AGAP2: variants seen among roughly 807,000 people sequenced by gnomAD.
AGAP2 encodes the protein arf-GAP with GTPase, ANK repeat and PH domain-containing protein 2.
A neutral mutation model predicts 110.9 loss-of-function variants in AGAP2; 32 were observed. The ratio of observed to expected loss-of-function variants is 0.29; its 90% CI spans 0.22 to 0.39. The LOEUF is 0.39. AGAP2 is among the 10% of genes least tolerant of loss of function. The pLI is 1.00. For synonymous variants in AGAP2, 702 were observed against 713.0 expected (o/e 0.98, Z 0.25); for missense variants, 1,285 against 1,638.5 (o/e 0.78, Z 3.72).
Position 57,728,345 on chromosome 12 carries a change from C to T in AGAP2, c.2590G>A (p.Gly864Ser), listed in dbSNP as rs1954815003. 1 of 1,613,918 alleles carries T rather than the reference C, an allele frequency of 6.2e-7. No homozygotes were observed. Among genetic ancestry groups the T allele is most frequent in the Non-Finnish European group, 8.5e-7 (1 of 1,179,880 alleles). Residue 864 changes from glycine to serine, a missense_variant, in exon 14 of 19, where the codon GGT (glycine) becomes AGT (serine). By Grantham distance (56) the Gly-to-Ser change is moderately conservative. This residue lies in a region of AGAP2 where 135 missense variants were observed against 182.0 expected (regional missense o/e 0.74). Transcript: ENST00000547588. ...KRKMWKLKSF[G>S]SLRNIYKAEE... is the part of the protein sequence containing the mutation. ...GCTTTATAAATATTTCTTAAACTACCAAAGGATTTTAGTTTCCACATTTTG... is the reference window on the plus strand; with the variant it reads ...GCTTTATAAATATTTCTTAAACTACTAAAGGATTTTAGTTTCCACATTTTG...
chr12:57,735,776 A>C (rs1190858205), intron 1 of AGAP2, among the ~76,000 whole-genome samples: 1 of 152,108 alleles, frequency 6.6e-6, no homozygotes, highest in Non-Finnish European at 1.5e-5. Context: ...AAAAGAATAG[A>C]AGAGGAGCTC....
chr12:57,731,743 G>C, intron 8 of AGAP2, 66 bp downstream of exon 8: 5 of 1,574,218 alleles, frequency 3.2e-6, no homozygotes, highest in Admixed American at 1.8e-5. Flanking sequence ...GGAGTCTAGG[G>C]ACTAGGGAAG....
At chr12:57,730,124 A>AT (rs57705169) in intron 12 of AGAP2, among the ~76,000 whole-genome samples, 54,846 of 151,166 alleles carry the variant, frequency 0.36, 10,358 homozygotes, top group Middle Eastern at 0.57. Flanking sequence ...ATATATATAT[A>AT]TTTTTTTTCA....
chr12:57,728,413 G>T (rs577085767), intron 13 of AGAP2, 36 bp from the exon 14 acceptor site: 1 of 1,605,082 alleles, frequency 6.2e-7, no homozygotes, highest in African/African-American at 1.3e-5. Flanking sequence ...GAGATAGAAT[G>T]GAGAGCAGAA....
At chr12:57,729,010 C>A (rs1263472009) in intron 13 of AGAP2, among the ~76,000 whole-genome samples, 1 of 151,656 alleles carries the variant, frequency 6.6e-6, no homozygotes, top group African/African-American at 2.4e-5. Flanking sequence ...CCAGTCTCTA[C>A]TAAAAAATAC....
rs984339526 is a variant in AGAP2, at chr12:57,732,277, T to C, written c.1794+126A>G. ...AGTCCAATGCACTTTCTGCCAATAG[T>C]TTCACTGCCATTTCCATCTGTTTCC... On this transcript the variant is annotated intron_variant, in intron 7 of 18. Transcript: ENST00000547588. The C allele has an allele frequency of 9.4e-5, 89 of 947,784 alleles. No individual in the cohort carries two copies. In the African/African-American group the frequency reaches 1.1e-3, roughly 11 times the overall value. 58.7% of individuals were successfully genotyped at this position (947,784 alleles called of 1,614,324 possible).
chr12:57,734,992 T>TTG (rs542446151), intron 2 of AGAP2, among the ~76,000 whole-genome samples: 1 of 150,632 alleles, frequency 6.6e-6, no homozygotes, highest in East Asian at 1.9e-4. Context: ...ACTAGATATG[T>TTG]TGTGTGTGTG....
chr12:57,728,210 C>G (rs1175720077), intron 14 of AGAP2, 108 bp downstream of exon 14: 1 of 1,513,010 alleles, frequency 6.6e-7, no homozygotes, highest in Non-Finnish European at 9.0e-7. Context: ...GTAGGGAAAG[C>G]AGAGGGTGGG....
chr12:57,728,530 G>A (rs986633222), intron 13 of AGAP2, among the ~76,000 whole-genome samples, 153 bp from the exon 14 acceptor site: 14 of 152,228 alleles, frequency 9.2e-5, no homozygotes, highest in African/African-American at 1.7e-4. Context: ...CAGATGGGGA[G>A]AGAAAGCAGA....
At chr12:57,742,044 C>T (rs1955083083), upstream of AGAP2, 51 of 1,614,020 alleles carry the variant, frequency 3.2e-5, no homozygotes, top group East Asian at 1.1e-3. Context: ...CTCACTGCAG[C>T]TACAACGAAC....
At chr12:57,724,180 G>A (rs1197164126), downstream of AGAP2, 1 of 152,284 alleles carries the variant, frequency 6.6e-6, no homozygotes, top group East Asian at 1.9e-4. Context: ...GCCTCCATGT[G>A]AACTGGATTC....
At chr12:57,735,283 G>C (rs928023412) in intron 2 of AGAP2, 86 bp downstream of exon 2, 2 of 1,247,288 alleles carry the variant, frequency 1.6e-6, no homozygotes, top group African/African-American at 3.0e-5. Flanking sequence ...GAGAGAGAGA[G>C]AGAAGGAGAG....
At chr12:57,730,372 G>T in intron 12 of AGAP2, 123 bp downstream of exon 12, 1 of 1,302,946 alleles carries the variant, frequency 7.7e-7, no homozygotes, top group Non-Finnish European at 1.1e-6. Context: ...TTATTCATGT[G>T]TGGGGCTCCA....
chr12:57,729,898 G>C (rs1954852099), intron 12 of AGAP2, 131 bp from the exon 13 acceptor site: 1 of 1,299,330 alleles, frequency 7.7e-7, no homozygotes, highest in East Asian at 2.5e-5. Context: ...CTCTCCAGGA[G>C]TTCCCCCTTG....
Position 57,731,858 on chromosome 12 carries a change from G to A in AGAP2, c.1904C>T (p.Thr635Ile). 1 of 1,604,966 alleles carries A rather than the reference G, an allele frequency of 6.2e-7. No individual in the cohort carries two copies. The highest frequency in any genetic ancestry group is 8.5e-7 in the Non-Finnish European group (1 of 1,175,958). ...GGCTGCCCGGTGCAGGGACCCTGGG[G>A]TGCTCAATCCAGCCACTGCAGCTGC... Reference protein sequence around the residue: ...AEAAAVAGLSTPGSLHRAAKR... With the variant: ...AEAAAVAGLSIPGSLHRAAKR... The change falls in exon 8 of 19, where the codon ACC (threonine) becomes ATC (isoleucine). Residue 635 changes from threonine (T) to isoleucine (I), a missense_variant. By Grantham distance (89) the Thr-to-Ile change is moderately conservative. Around this residue, in one of 7 missense-constraint regions of AGAP2, gnomAD observed 844 missense variants for 941.2 expected, o/e 0.90. Coordinates refer to ENST00000547588, the MANE Select transcript of AGAP2 (RefSeq NM_001122772.3).
Position 57,738,370 on chromosome 12 carries a change from C to T in AGAP2, c.-124G>A, listed in dbSNP as rs1955032042. ...CCCGGACCCCGCTGAGCCCCCGGCC[C>T]GGCTCCGCTGTCGCCGCCGCCTCCG... On this transcript the variant is annotated 5_prime_UTR_variant, in exon 1 of 19. Coordinates refer to ENST00000547588, the MANE Select transcript of AGAP2 (RefSeq NM_001122772.3). The surrounding 1 kb of genome is among the most constrained non-coding windows in gnomAD (Gnocchi z 6.7). 7.4e-6 allele frequency: 9 copies of T among 1,209,900 alleles called. No individual in the cohort carries two copies. Among genetic ancestry groups the T allele is most frequent in the Non-Finnish European group, 9.3e-6 (9 of 965,402 alleles). The allele number at this position is 1,209,900 out of a possible 1,614,324, so 74.9% of individuals were successfully genotyped here.
chr12:57,737,071 C>G lies in AGAP2; in HGVS notation c.1168+8G>C. 1.3e-6 allele frequency: 2 copies of G among 1,510,566 alleles called. No individual in the cohort carries two copies. Among genetic ancestry groups the G allele is most frequent in the Non-Finnish European group, 8.9e-7 (1 of 1,129,708 alleles). The allele number at this position is 1,510,566 out of a possible 1,614,324, so 93.6% of individuals were successfully genotyped here. A position where few individuals can be genotyped will look rare whatever the true frequency, so the allele number is the denominator to read the frequency against. On this transcript the variant is annotated splice_region_variant and intron_variant, in intron 1 of 18. Coordinates refer to ENST00000547588, the MANE Select transcript of AGAP2 (RefSeq NM_001122772.3). This position sits in a 1 kb window ranked among gnomAD's most constrained non-coding sequence, Gnocchi z 5.9. The stretch of plus-strand genomic sequence containing the variant: ...CCCTCCCTGTTCTCAAGCCCTGACT[C>G]AACTCACTAGGGGAAGCGCGGAGCT...
chr12:57,738,813 G>A (rs1383589924), upstream of AGAP2, among the ~76,000 whole-genome samples: 1 of 151,768 alleles, frequency 6.6e-6, no homozygotes, highest in African/African-American at 2.4e-5. The surrounding 1 kb of genome is among the most constrained non-coding windows in gnomAD (Gnocchi z 6.7). Flanking sequence ...GGAGGCGGCG[G>A]GGGAGGAAAG....
chr12:57,737,655 C>T lies in AGAP2; in HGVS notation c.592G>A (p.Ala198Thr), dbSNP rs867774004. 5.8e-6 allele frequency: 9 copies of T among 1,547,850 alleles called. No individual in the cohort carries two copies. Among genetic ancestry groups the T allele is most frequent in the Non-Finnish European group, 5.2e-6 (6 of 1,147,260 alleles). The change falls in exon 1 of 19, where the codon GCC becomes ACC. Residue 198 changes from alanine to threonine, a missense_variant. Physicochemically the swap from Ala to Thr is moderately conservative, Grantham distance 58 (BLOSUM62 0). Coordinates refer to ENST00000547588, the MANE Select transcript of AGAP2 (RefSeq NM_001122772.3). This position sits in a 1 kb window ranked among gnomAD's most constrained non-coding sequence, Gnocchi z 5.9. The stretch of plus-strand genomic sequence containing the variant: ...GCGCCCTTGCCCCCGCCGGCTTTGG[C>T]TCCACTCGTGGTCACGGTCTTGCAA... ...KPCKTVTTSG[A>T]KAGGGKGAGS...
Sources: allele counts gnomAD v4.1 joint callset (sites outside exome capture counted in the v4.1 genomes callset), GRCh38; gene constraint gnomAD v4.1.1; regional missense constraint gnomAD v4.1.1; non-coding constraint Gnocchi (gnomAD v3.1); transcripts MANE v1.5; gene names NCBI Gene and HGNC (gene_info 2026-07-23, HGNC 2026-07-21).